Variants in ERVFRD-1 observed in about 807,000 individuals in gnomAD.
ERVFRD-1 encodes the protein endogenous retrovirus group FRD member 1, envelope.
A neutral mutation model predicts 43.8 loss-of-function variants in ERVFRD-1; 33 were observed. The ratio of observed to expected loss-of-function variants is 0.75; its 90% confidence interval spans 0.57 to 1.01. The LOEUF (loss-of-function observed/expected upper bound fraction) is 1.01. Among genes scored for constraint, ERVFRD-1 ranks in the 50% least tolerant of loss-of-function variants. The pLI is 0.00. For missense variants in ERVFRD-1, 568 were observed against 658.4 expected, an observed-to-expected ratio of 0.86 and a Z score of 1.50; for synonymous variants, 239 against 244.4, an observed-to-expected ratio of 0.98 and a Z score of 0.21.
In ERVFRD-1 at chr6:11,103,905, C is replaced by A; in HGVS notation, c.1406G>T (p.Gly469Val). 7.1e-6 allele frequency: 11 copies of A among 1,551,708 alleles called. No homozygotes were observed. Among genetic ancestry groups the A allele is most frequent in the Non-Finnish European group, 9.6e-6 (11 of 1,146,998 alleles). The change falls in exon 2 of 2, where the codon GGT (glycine) becomes GTT (valine). Residue 469 changes from glycine to valine, a missense_variant. By Grantham distance (109) the Gly-to-Val change is moderately radical (BLOSUM62 -3). Transcript: ENST00000472091. ...CCAAGTTCCTTCCCAATTTAACCAA[C>A]CCTGAGTGGCTCGTTCCCGTAAACT... is the stretch of plus-strand genomic sequence containing the variant. ...ASSLRERATQ[G>V]WLNWEGTWKW...
At chr6:11,109,504 C>T (rs1416932535) in intron 1 of ERVFRD-1, among the ~76,000 whole-genome samples, 4 of 152,102 alleles carry the variant, frequency 2.6e-5, no homozygotes, top group Non-Finnish European at 5.9e-5. Flanking sequence ...GCCTTCTGAA[C>T]CAATGGGAAG....
rs767472288 is a variant in ERVFRD-1 at position 11,104,688 on chromosome 6, C to T, written c.623G>A (p.Arg208Gln). 49 of 1,614,070 alleles carry T rather than the reference C, an allele frequency of 3.0e-5. 1 individual carries two copies. In the African/African-American group the frequency reaches 3.2e-4, roughly 11 times the overall value. The change falls in exon 2 of 2, where the codon CGG becomes CAG. Residue 208 changes from arginine (R) to glutamine (Q), a missense_variant. Coordinates refer to ENST00000472091, the MANE Select transcript of ERVFRD-1 (RefSeq NM_207582.3). The stretch of plus-strand genomic sequence containing the variant: ...CAGACATTGGTTATAATCAGCAGGC[C>T]GGAACCAGAAGTTTCGAGTACTGCA... ...SSCSTRNFWF[R>Q]PADYNQCLQI...
chr6:11,106,864 G>T (rs1758091379), intron 1 of ERVFRD-1, among the ~76,000 whole-genome samples: 1 of 152,232 alleles, frequency 6.6e-6, no homozygotes, highest in Admixed American at 6.5e-5. Context: ...TTTAATTTGA[G>T]TATCTGGAGC....
chr6:11,105,118 A>C lies in ERVFRD-1; in HGVS notation c.193T>G (p.Trp65Gly). 6.2e-7 allele frequency: 1 copy of C among 1,614,190 alleles called. No individual in the cohort carries two copies. Among genetic ancestry groups the C allele is most frequent in the Non-Finnish European group, 8.5e-7 (1 of 1,180,040 alleles). ...GTAYPASPRE[W>G]TSIEAELHIS... ...TGTAATTCCGCCTCTATGCTTGTCC[A>C]TTCTCTGGGCGAGGCTGGATAAGCT... Residue 65 changes from tryptophan (W) to glycine (G), a missense_variant, in exon 2 of 2, where the codon TGG becomes GGG. Physicochemically the swap from Trp to Gly is radical, Grantham distance 184. Coordinates refer to ENST00000472091, the MANE Select transcript of ERVFRD-1 (RefSeq NM_207582.3).
At position 11,105,521 on chromosome 6, in the gene ERVFRD-1, A is replaced by G. The variant is rs1216559544; in HGVS notation, c.-211T>C. On this transcript the variant is annotated 5_prime_UTR_variant, in exon 2 of 2. Coordinates refer to ENST00000472091, the MANE Select transcript of ERVFRD-1 (RefSeq NM_207582.3). The stretch of plus-strand genomic sequence containing the variant: ...ATTTTAGATCTTCCAGTGCCTTGCA[A>G]GTGTATTCCGGAGCTGAGGTTGCTG... 2 of 540,918 alleles carry G rather than the reference A, an allele frequency of 3.7e-6. No homozygotes were observed. Among genetic ancestry groups the G allele is most frequent in the East Asian group, 3.2e-5 (1 of 31,720 alleles). 33.5% of individuals were successfully genotyped at this position (540,918 alleles called of 1,614,324 possible).
chr6:11,104,516 G>A lies in ERVFRD-1; in HGVS notation c.795C>T (p.Ser265=), dbSNP rs1478574110. 1.3e-6 allele frequency: 2 copies of A among 1,565,238 alleles called. No individual in the cohort carries two copies. The highest frequency in any genetic ancestry group is 2.4e-5 in the East Asian group (1 of 42,084). The change falls in exon 2 of 2, where the codon AGC becomes AGT. Residue 265 remains serine (S), a synonymous_variant. Transcript: ENST00000472091. Reference sequence around the variant, plus strand: ...CTGAGACTGCTGATATGCCCAGGTAGCTGGTGGCTATAGTCATGCCTGCTA... The same window carrying A: ...CTGAGACTGCTGATATGCCCAGGTAACTGGTGGCTATAGTCATGCCTGCTA... The part of the protein sequence containing the change: ...QVLAGMTIAT[S]YLGISAVSEF...
chr6:11,105,659 G>C (rs1485548542), intron 1 of ERVFRD-1, 29 bp from the exon 2 acceptor site: 1 of 206,442 alleles, frequency 4.8e-6, no homozygotes, highest in East Asian at 1.3e-4. Flanking sequence ...GAATGGTGAA[G>C]GGGCCCTTTC....
At chr6:11,106,767 G>A (rs914187491) in intron 1 of ERVFRD-1, among the ~76,000 whole-genome samples, 4 of 152,152 alleles carry the variant, frequency 2.6e-5, no homozygotes, top group African/African-American at 7.2e-5. Flanking sequence ...TTTCATTAGA[G>A]CCCCTTTGGT....
intron 1 of ERVFRD-1, among the ~76,000 whole-genome samples, chr6:11,106,201 A>T (rs1037463833): frequency 1.3e-5 from 2 of 152,090 alleles, no homozygotes; most frequent in Non-Finnish European, 1.5e-5. Context: ...GAATTTAGCT[A>T]CCTCCTGTGC....
chr6:11,111,320 A>C (rs973936340), intron 1 of ERVFRD-1, among the ~76,000 whole-genome samples: 1 of 152,198 alleles, frequency 6.6e-6, no homozygotes, highest in South Asian at 2.1e-4. Context: ...ATACAGAGAA[A>C]GGAAAATAGG....
At position 11,105,212 on chromosome 6, in the gene ERVFRD-1, T is replaced by A; in HGVS notation, c.99A>T (p.Gln33His). ...TGGTGGAGTAAGGGGATCCTGTACT[T>A]TGGAGCAGTTGCTGAGCTTTTTCCA... ...PLLEKAQQLL[Q>H]STGSPYSTNC... Residue 33 changes from glutamine (Q) to histidine (H), a missense_variant, in exon 2 of 2, where the codon CAA (glutamine) becomes CAT (histidine). Physicochemically the swap from Gln to His is conservative, Grantham distance 24. Coordinates refer to ENST00000472091, the MANE Select transcript of ERVFRD-1 (RefSeq NM_207582.3). The A allele has an allele frequency of 6.2e-7, 1 of 1,614,110 alleles. No homozygotes were observed. The highest frequency in any genetic ancestry group is 8.5e-7 in the Non-Finnish European group (1 of 1,180,014).
Position 11,104,378 on chromosome 6 carries a change from A to G in ERVFRD-1, c.933T>C (p.Ser311=). The G allele has an allele frequency of 6.4e-7, 1 of 1,551,718 alleles. No individual in the cohort carries two copies. ...CGQSIHQCLP[S]NWTGTCTIGY... ...CTATGGTACAAGTTCCAGTCCAGTT[A>G]CTGGGGAGGCATTGGTGAATCGACT... The change falls in exon 2 of 2, where the codon AGT becomes AGC. Residue 311 remains serine, a synonymous_variant. Coordinates refer to ENST00000472091, the MANE Select transcript of ERVFRD-1 (RefSeq NM_207582.3).
In ERVFRD-1 at chr6:11,105,102, G is replaced by A. The variant is rs375676990; in HGVS notation, c.209C>T (p.Ala70Val). The A allele has an allele frequency of 3.7e-6, 6 of 1,614,042 alleles. No homozygotes were observed. Among genetic ancestry groups the A allele is most frequent in the Admixed American group, 1.7e-5 (1 of 60,004 alleles). Residue 70 changes from alanine (A) to valine (V), a missense_variant, in exon 2 of 2, where the codon GCG (alanine) becomes GTG (valine). By Grantham distance (64) the Ala-to-Val change is moderately conservative (BLOSUM62 0). Transcript: ENST00000472091. ...CCATCGATAGGAAATATGTAATTCC[G>A]CCTCTATGCTTGTCCATTCTCTGGG... The part of the protein sequence containing the change: ...ASPREWTSIE[A>V]ELHISYRWDP...
chr6:11,108,276 C>T (rs544073952), intron 1 of ERVFRD-1, among the ~76,000 whole-genome samples: 1 of 152,322 alleles, frequency 6.6e-6, no homozygotes, highest in East Asian at 1.9e-4. Context: ...GCAGGCAGCC[C>T]TCATGTCCAA....
chr6:11,110,680 G>A (rs1383512777), intron 1 of ERVFRD-1, among the ~76,000 whole-genome samples: 3 of 152,194 alleles, frequency 2.0e-5, no homozygotes, highest in Non-Finnish European at 2.9e-5. Flanking sequence ...GAGAAAGCGG[G>A]AGGAAGCAAG....
At position 11,104,127 on chromosome 6, in the gene ERVFRD-1, A is replaced by G. The variant is rs1012715733; in HGVS notation, c.1184T>C (p.Met395Thr). 2.6e-6 allele frequency: 4 copies of G among 1,549,812 alleles called. No individual in the cohort carries two copies. Among genetic ancestry groups the G allele is most frequent in the Non-Finnish European group, 3.5e-6 (4 of 1,146,532 alleles). Reference sequence around the variant, plus strand: ...TTGCATGGTCGTTAAGGCTTTAGCCATGGTGTCAATGTTGTTGGCTATTTC... The same window carrying G: ...TTGCATGGTCGTTAAGGCTTTAGCCGTGGTGTCAATGTTGTTGGCTATTTC... ...SKEIANNIDT[M>T]AKALTTMQEQ... The change falls in exon 2 of 2, where the codon ATG (methionine) becomes ACG (threonine). Residue 395 changes from methionine to threonine, a missense_variant. Met to Thr is a moderately conservative substitution (Grantham distance 81). Transcript: ENST00000472091.
rs1423036829 is a variant in ERVFRD-1, at chr6:11,104,882, T to G, written c.429A>C (p.Thr143=). The G allele has an allele frequency of 1.9e-6, 3 of 1,614,256 alleles. No individual in the cohort carries two copies. The highest frequency in any genetic ancestry group is 8.5e-7 in the Non-Finnish European group (1 of 1,180,052). The change falls in exon 2 of 2, where the codon ACA becomes ACC. Residue 143 remains threonine, a synonymous_variant. Transcript: ENST00000472091. ...NGTNVGTLPS[T]VCNVTFTVDS... The stretch of plus-strand genomic sequence containing the variant: ...CTACAGTGAAAGTAACATTACAGAC[T>G]GTACTTGGAAGAGTGCCTACATTTG...
In ERVFRD-1 at chr6:11,104,442, G is replaced by T; in HGVS notation, c.869C>A (p.Thr290Lys). 6.4e-7 allele frequency: 1 copy of T among 1,551,822 alleles called. No individual in the cohort carries two copies. The change falls in exon 2 of 2, where the codon ACA (threonine) becomes AAA (lysine). Residue 290 changes from threonine to lysine, a missense_variant. Coordinates refer to ENST00000472091, the MANE Select transcript of ERVFRD-1 (RefSeq NM_207582.3). The part of the protein sequence containing the change: ...LTPLFHFHIS[T>K]CLKTQGAFYI... ...AAAGGCTCCTTGAGTTTTAAGGCAT[G>T]TAGAGATATGGAAATGAAATAAGGG...
chr6:11,108,374 G>T (rs1051775823), intron 1 of ERVFRD-1, among the ~76,000 whole-genome samples: 4 of 152,188 alleles, frequency 2.6e-5, no homozygotes, highest in African/African-American at 9.7e-5. Context: ...GAGCCAAGTG[G>T]AGCGTAGGGC....
Sources: gnomAD v4.1 joint callset for allele counts (sites outside exome capture counted in the v4.1 genomes callset) on GRCh38, gnomAD v4.1.1 for gene constraint, MANE v1.5 for transcripts, NCBI Gene and HGNC (gene_info 2026-07-23, HGNC 2026-07-21) for gene names.